Variants in FOXP1 observed in about 807,000 individuals in gnomAD.
FOXP1 encodes the protein forkhead box protein P1.
A neutral mutation model predicts 98.2 loss-of-function variants in FOXP1; 15 were observed. That is an observed-to-expected ratio of 0.15 (90% CI 0.10 to 0.24). The LOEUF is 0.24. FOXP1 is among the 10% of genes least tolerant of loss of function. The probability of loss-of-function intolerance (pLI) is 1.00; values close to 1 mark genes in which losing one functional copy is unlikely to be tolerated. For missense variants in FOXP1, 633 were observed against 848.5 expected (o/e 0.75, Z 3.15); for synonymous variants, 371 against 314.5 (o/e 1.18, Z -1.90).
chr3:71,087,949 C>T (rs1383483091), intron 7 of FOXP1, among the ~76,000 whole-genome samples: 1 of 152,198 alleles, frequency 6.6e-6, no homozygotes, highest in Admixed American at 6.5e-5. Flanking sequence ...GAAATACACA[C>T]TAGACTAGGC....
intron 2 of FOXP1, among the ~76,000 whole-genome samples, chr3:71,559,519 G>A (rs2046384145): frequency 6.6e-6 from 1 of 152,148 alleles, no homozygotes; most frequent in South Asian, 2.1e-4. Flanking sequence ...CAGAGCACTG[G>A]CTCTAACTGG....
intron 5 of FOXP1, among the ~76,000 whole-genome samples, chr3:71,232,945 C>T (rs1394258343): frequency 4.3e-5 from 6 of 141,140 alleles, no homozygotes; most frequent in Admixed American, 2.2e-4. Flanking sequence ...ATACTACTAC[C>T]ACCACCACCA....
At chr3:71,548,531 A>G (rs1464281492) in intron 2 of FOXP1, among the ~76,000 whole-genome samples, 1 of 151,922 alleles carries the variant, frequency 6.6e-6, no homozygotes, top group African/African-American at 2.4e-5. Context: ...TCAGCCTCCC[A>G]AGTACTATAG....
chr3:71,538,689 C>T (rs750439549), intron 2 of FOXP1, among the ~76,000 whole-genome samples: 1 of 152,144 alleles, frequency 6.6e-6, no homozygotes, highest in Non-Finnish European at 1.5e-5. Flanking sequence ...AGTAGAAATG[C>T]TAGGTCCCAG....
intron 18 of FOXP1, 108 bp downstream of exon 18, chr3:70,972,447 C>T (rs545750861): frequency 8.5e-5 from 127 of 1,501,634 alleles, no homozygotes; most frequent in East Asian, 1.4e-4. Flanking sequence ...ACTGAGACAA[C>T]GTGAAACCAG....
intron 7 of FOXP1, among the ~76,000 whole-genome samples, chr3:71,081,270 G>T (rs889995910): frequency 2.6e-5 from 4 of 152,060 alleles, no homozygotes; most frequent in African/African-American, 7.3e-5. Flanking sequence ...GTTCTTTCCA[G>T]CACCTGTACT....
At chr3:71,468,797 A>G (rs1159612873) in intron 3 of FOXP1, among the ~76,000 whole-genome samples, 1 of 152,212 alleles carries the variant, frequency 6.6e-6, no homozygotes, top group Non-Finnish European at 1.5e-5. Flanking sequence ...TTTTAAGAAC[A>G]GCACTTCACT....
chr3:71,387,121 C>A (rs1414479351), intron 3 of FOXP1, among the ~76,000 whole-genome samples: 1 of 152,196 alleles, frequency 6.6e-6, no homozygotes, highest in Non-Finnish European at 1.5e-5. Flanking sequence ...TTTCAGCAAG[C>A]TCTAGCTGAA....
At chr3:71,106,773 ATTTTTT>A (rs59989388) in intron 7 of FOXP1, among the ~76,000 whole-genome samples, 1 of 136,950 alleles carries the variant, frequency 7.3e-6, no homozygotes, top group Non-Finnish European at 1.6e-5. Context: ...TCAAATAGGG[ATTTTTT>A]TTTTTTTTTT....
intron 3 of FOXP1, among the ~76,000 whole-genome samples, chr3:71,453,929 C>A (rs2087189986): frequency 6.6e-6 from 1 of 152,176 alleles, no homozygotes. Flanking sequence ...ACATCTGTGT[C>A]TTAAGACAAT....
intron 3 of FOXP1, 46 bp from the exon 4 acceptor site, chr3:71,359,290 T>C (rs1331805987): frequency 6.6e-6 from 1 of 152,192 alleles, no homozygotes; most frequent in Non-Finnish European, 1.5e-5. Context: ...GGGCAAATGG[T>C]GATGCTTCAA....
intron 5 of FOXP1, among the ~76,000 whole-genome samples, chr3:71,230,293 T>C (rs2066182569): frequency 1.3e-5 from 2 of 152,206 alleles, no homozygotes; most frequent in Admixed American, 1.3e-4. Context: ...CAATTTCTCA[T>C]AGAACAAATG....
intron 2 of FOXP1, among the ~76,000 whole-genome samples, chr3:71,513,961 A>G (rs188201650): frequency 3.3e-4 from 51 of 152,316 alleles, no homozygotes; most frequent in African/African-American, 1.1e-3. Flanking sequence ...TAATAAAACT[A>G]TGTCTAATAA....
chr3:71,206,486 C>T (rs764635382), intron 5 of FOXP1, among the ~76,000 whole-genome samples: 23 of 152,110 alleles, frequency 1.5e-4, no homozygotes, highest in Non-Finnish European at 2.9e-4. Flanking sequence ...TTTAATTTTC[C>T]CTGTAATTCA....
At chr3:71,053,445 G>T (rs1291662347) in intron 8 of FOXP1, among the ~76,000 whole-genome samples, 191 bp downstream of exon 8, 1 of 152,140 alleles carries the variant, frequency 6.6e-6, no homozygotes, top group Non-Finnish European at 1.5e-5. Context: ...CACCATGGCA[G>T]GGCTCCTCTC....
intron 4 of FOXP1, among the ~76,000 whole-genome samples, chr3:71,338,168 A>G (rs905128920): frequency 1.4e-4 from 21 of 152,248 alleles, no homozygotes; most frequent in African/African-American, 4.8e-4. Context: ...CACACAGATC[A>G]AAGTGAGATC....
intron 3 of FOXP1, among the ~76,000 whole-genome samples, chr3:71,398,880 G>C (rs993599119): frequency 6.6e-6 from 1 of 152,154 alleles, no homozygotes; most frequent in African/African-American, 2.4e-5. Flanking sequence ...ATAATACATT[G>C]ATCACAGTTC....
Position 70,956,732 on chromosome 3 carries a change from GTTTTTTTTTTTTTTTTTTTTTTT to G in FOXP1, c.*2492_*2514del, listed in dbSNP as rs142956636. The G allele has an allele frequency of 1.6e-3, 51 of 32,812 alleles. No homozygotes were observed. The highest frequency in any genetic ancestry group is 6.8e-3 in the South Asian group (5 of 732). The allele number at this position is 32,812 out of a possible 1,614,324, so 2.0% of individuals were successfully genotyped here. On this transcript the variant is annotated 3_prime_UTR_variant, in exon 21 of 21. Coordinates refer to ENST00000649528, the MANE Select transcript of FOXP1 (RefSeq NM_001349338.3). ...GCACATCATGAAGCTGCCTGGAAAA[GTTTTTTTTTTTTTTTTTTTTTTT>G]TTTTTTTTTTTTTTTTTTAAAGTCT...
At chr3:71,066,995 G>A (rs193246241) in intron 7 of FOXP1, among the ~76,000 whole-genome samples, 58 of 152,288 alleles carry the variant, frequency 3.8e-4, no homozygotes, top group African/African-American at 1.1e-3. Context: ...TAAATTGCAC[G>A]GTGGTGGCTG....
Sources: allele counts gnomAD v4.1 joint callset (sites outside exome capture counted in the v4.1 genomes callset), GRCh38; gene constraint gnomAD v4.1.1; transcripts MANE v1.5; gene names NCBI Gene and HGNC (gene_info 2026-07-23, HGNC 2026-07-21).